Variants in FGGY observed in about 807,000 individuals in gnomAD.
FGGY encodes FGGY carbohydrate kinase domain-containing protein.
In FGGY, 72 loss-of-function variants were observed where a neutral mutation model predicts 71.3. That is an observed-to-expected ratio of 1.01 (90% CI 0.84 to 1.23). The LOEUF is 1.23. Among genes scored for constraint, FGGY ranks in the 50% most tolerant of loss-of-function variants. The probability of loss-of-function intolerance (pLI) is 0.00; values close to 1 mark genes in which losing one functional copy is unlikely to be tolerated. For missense variants in FGGY, 668 were observed against 682.3 expected (o/e 0.98, Z 0.23); for synonymous variants, 251 against 250.3 (o/e 1.00, Z -0.02).
intron 4 of FGGY, among the ~76,000 whole-genome samples, chr1:59,366,974 T>C (rs993631747): frequency 4.6e-5 from 7 of 152,118 alleles, no homozygotes; most frequent in Non-Finnish European, 1.0e-4. Context: ...TGGAGGGTGT[T>C]AGGAGATGAG....
At chr1:59,724,497 A>C (rs2097923986) in intron 14 of FGGY, among the ~76,000 whole-genome samples, 1 of 151,728 alleles carries the variant, frequency 6.6e-6, no homozygotes, top group Non-Finnish European at 1.5e-5. Flanking sequence ...AAAAAAAAAA[A>C]ATTCCCCTGT....
intron 6 of FGGY, among the ~76,000 whole-genome samples, chr1:59,474,713 A>C (rs2093172086): frequency 6.6e-6 from 1 of 152,228 alleles, no homozygotes. Flanking sequence ...TGGATCTAGG[A>C]ACACACTGAT....
At chr1:59,636,089 G>T (rs1334268839) in intron 10 of FGGY, among the ~76,000 whole-genome samples, 1 of 152,112 alleles carries the variant, frequency 6.6e-6, no homozygotes, top group Non-Finnish European at 1.5e-5. Flanking sequence ...CTCCTAATAA[G>T]ATCTAAGGAA....
chr1:59,521,019 C>G (rs1391794476), intron 7 of FGGY, among the ~76,000 whole-genome samples: 2 of 87,720 alleles, frequency 2.3e-5, no homozygotes, highest in African/African-American at 1.2e-4. Context: ...GGCAGACGGT[C>G]TGCAAGAAAT....
At chr1:59,392,423 A>G (rs1406172704) in intron 5 of FGGY, among the ~76,000 whole-genome samples, 1 of 152,170 alleles carries the variant, frequency 6.6e-6, no homozygotes, top group East Asian at 1.9e-4. Context: ...TGGTCCAACC[A>G]GGTAACTTGG....
At chr1:59,521,827 A>G (rs1048046670) in intron 7 of FGGY, among the ~76,000 whole-genome samples, 3 of 152,220 alleles carry the variant, frequency 2.0e-5, no homozygotes, top group South Asian at 4.1e-4. Flanking sequence ...ATTCCATTTT[A>G]TACCTTATAT....
At position 59,308,715 on chromosome 1, in the gene FGGY, A is replaced by G. The variant is rs549869222; in HGVS notation, c.-15+11565A>G. 2.6e-3 allele frequency among the ~76,000 whole-genome samples: 402 copies of G among 152,310 alleles called. 3 individuals carry two copies. Among genetic ancestry groups the G allele is most frequent in the South Asian group, 5.0e-3 (24 of 4,822 alleles). On this transcript the variant is annotated intron_variant, in intron 1 of 15. Transcript: ENST00000303721. ...GTGATACTAATGCTGCTGCTCTTCT[A>G]GAGACCACGAATGGCCCTGTTAAAA...
chr1:59,570,304 A>T (rs989285640), intron 8 of FGGY, among the ~76,000 whole-genome samples: 2 of 152,200 alleles, frequency 1.3e-5, no homozygotes, highest in East Asian at 3.8e-4. Context: ...CTAGCAGAGC[A>T]CCTTGTACAT....
At chr1:59,704,632 C>T (rs531852592) in intron 14 of FGGY, among the ~76,000 whole-genome samples, 1 of 152,262 alleles carries the variant, frequency 6.6e-6, no homozygotes, top group South Asian at 2.1e-4. Context: ...ATGTCTATTA[C>T]ATGCTGACAG....
At chr1:59,378,663 T>C in intron 4 of FGGY, 86 bp from the exon 5 acceptor site, 1 of 1,254,464 alleles carries the variant, frequency 8.0e-7, no homozygotes, top group Non-Finnish European at 1.1e-6. Context: ...GGCTATGCTT[T>C]TGTTTTGAAA....
chr1:59,553,073 G>A (rs2095633881), intron 7 of FGGY, among the ~76,000 whole-genome samples: 1 of 152,184 alleles, frequency 6.6e-6, no homozygotes, highest in South Asian at 2.1e-4. Flanking sequence ...CGAGGTTGGG[G>A]GAATGGCATT....
chr1:59,366,903 C>T (rs1480915183), intron 4 of FGGY, among the ~76,000 whole-genome samples: 1 of 152,070 alleles, frequency 6.6e-6, no homozygotes, highest in Admixed American at 6.6e-5. Context: ...CCAGCTGTAA[C>T]AGAGGACTGG....
intron 4 of FGGY, among the ~76,000 whole-genome samples, chr1:59,369,572 C>T (rs1441001528): frequency 6.6e-6 from 1 of 152,216 alleles, no homozygotes; most frequent in African/African-American, 2.4e-5. Context: ...GTTCTCCCAG[C>T]ACGCAGCTGG....
chr1:59,319,256 A>G (rs1021687376), intron 1 of FGGY, among the ~76,000 whole-genome samples: 1 of 152,184 alleles, frequency 6.6e-6, no homozygotes, highest in African/African-American at 2.4e-5. Flanking sequence ...GTGGTTGTAA[A>G]ATGAATAAAA....
chr1:59,368,559 A>G (rs1245478412), intron 4 of FGGY, among the ~76,000 whole-genome samples: 3 of 152,214 alleles, frequency 2.0e-5, no homozygotes, highest in Non-Finnish European at 4.4e-5. Flanking sequence ...ACACTGTTGT[A>G]AACTGTGGAG....
At chr1:59,316,121 T>TC (rs1455432665) in intron 1 of FGGY, 2 of 152,250 alleles carry the variant, frequency 1.3e-5, no homozygotes, top group Non-Finnish European at 2.9e-5. Context: ...AACTCATTGT[T>TC]CATCTTTTTT....
At chr1:59,722,477 A>G (rs2100672830) in intron 14 of FGGY, among the ~76,000 whole-genome samples, 1 of 152,322 alleles carries the variant, frequency 6.6e-6, no homozygotes, top group East Asian at 1.9e-4. Context: ...ATTTGGAATT[A>G]TGCTGTTTGG....
chr1:59,547,580 C>T (rs11583796), intron 7 of FGGY, among the ~76,000 whole-genome samples: 12,568 of 152,158 alleles, frequency 0.083, 776 homozygotes, highest in South Asian at 0.28. Context: ...ATTTGTAAAT[C>T]AAAGTGATAA....
chr1:59,342,123 T>G (rs2050831713), intron 3 of FGGY, among the ~76,000 whole-genome samples: 1 of 152,224 alleles, frequency 6.6e-6, no homozygotes, highest in African/African-American at 2.4e-5. Flanking sequence ...TTTACTTATT[T>G]ATTTTTATTC....
Sources: gnomAD v4.1 joint callset for allele counts (sites outside exome capture counted in the v4.1 genomes callset) on GRCh38, gnomAD v4.1.1 for gene constraint, MANE v1.5 for transcripts, NCBI Gene and HGNC (gene_info 2026-07-23, HGNC 2026-07-21) for gene names.